The following NXPE4 variants were observed in gnomAD, a reference collection of about 807,000 sequenced individuals.
NXPE4 encodes neurexophilin and PC-esterase domain family member 4, also known as NXPE family member 4.
Under a neutral mutation model 33.3 loss-of-function variants are expected in NXPE4, and 42 were observed. The ratio of observed to expected loss-of-function variants is 1.26; its 90% CI spans 0.98 to 1.63. The LOEUF is 1.63. NXPE4 is among the 40% of genes most tolerant of loss of function. NXPE4 has a pLI of 0.00. For synonymous variants in NXPE4, 253 were observed against 234.9 expected (o/e 1.08, Z -0.71); for missense variants, 709 against 647.6 (o/e 1.09, Z -1.03).
chr11:114,630,675 G>C, the NXPE4 span, among the ~76,000 whole-genome samples: 58 of 150,842 alleles, frequency 3.8e-4, no homozygotes, highest in Middle Eastern at 3.4e-3. Context: ...TGACAAATGG[G>C]ATCTAATTAA....
chr11:114,598,904 C>T (rs1949608470), upstream of NXPE4, among the ~76,000 whole-genome samples: 1 of 152,242 alleles, frequency 6.6e-6, no homozygotes, highest in Admixed American at 6.5e-5. Flanking sequence ...ATGGCTTGCA[C>T]TCTTTTTGCA....
the NXPE4 span, among the ~76,000 whole-genome samples, chr11:114,602,106 A>C: frequency 0.67 from 65,077 of 97,238 alleles, 21,906 homozygotes; most frequent in Middle Eastern, 0.76. Context: ...ATATATTATA[A>C]TATATATAAT....
At chr11:114,636,352 CT>C in the NXPE4 span, among the ~76,000 whole-genome samples, 1,390 of 152,060 alleles carry the variant, frequency 9.1e-3, 22 homozygotes, top group African/African-American at 0.032. Flanking sequence ...ATTCTTCTCT[CT>C]TTTTTTCTTT....
At chr11:114,601,536 A>AGT in the NXPE4 span, among the ~76,000 whole-genome samples, 2 of 108,316 alleles carry the variant, frequency 1.8e-5, no homozygotes, top group South Asian at 4.5e-4. Context: ...AATTATATAT[A>AGT]ATATATATTA....
chr11:114,613,210 T>C, the NXPE4 span, among the ~76,000 whole-genome samples: 1 of 151,922 alleles, frequency 6.6e-6, no homozygotes, highest in African/African-American at 2.4e-5. Flanking sequence ...ACCTGGTGGA[T>C]AATACTTGTT....
chr11:114,666,795 T>C, the NXPE4 span, among the ~76,000 whole-genome samples: 1 of 152,162 alleles, frequency 6.6e-6, no homozygotes, highest in Non-Finnish European at 1.5e-5. Context: ...GTATTGGTCT[T>C]TTCCTTGTAT....
Position 114,582,543 on chromosome 11 carries a change from CAG to C in NXPE4, c.573_574del (p.Trp192GlufsTer8), listed in dbSNP as rs1949174033. ...GTCATAGCCTTGGTTCCTTGCACTCCAGAGAGCTGACACCCCTTCACTGGGGT... is the reference window on the plus strand; with the variant it reads ...GTCATAGCCTTGGTTCCTTGCACTCCAGAGCTGACACCCCTTCACTGGGGT... On this transcript the variant is annotated frameshift_variant, in exon 3 of 6. Coordinates refer to ENST00000375478, the MANE Select transcript of NXPE4 (RefSeq NM_001077639.2). LOFTEE classifies it high-confidence loss of function. 2 of 1,614,168 alleles carry C rather than the reference CAG, an allele frequency of 1.2e-6. No homozygotes were observed.
At chr11:114,675,764 G>A in the NXPE4 span, among the ~76,000 whole-genome samples, 1 of 151,840 alleles carries the variant, frequency 6.6e-6, no homozygotes, top group South Asian at 2.1e-4. Context: ...AAACTTACAT[G>A]GAACCACAAA....
chr11:114,590,624 A>G (rs1024252720), intron 2 of NXPE4, among the ~76,000 whole-genome samples: 1 of 152,192 alleles, frequency 6.6e-6, no homozygotes, highest in Non-Finnish European at 1.5e-5. Flanking sequence ...GAGGGCCTTC[A>G]ATCTTTATGT....
At chr11:114,624,883 G>T in the NXPE4 span, among the ~76,000 whole-genome samples, 149 of 151,778 alleles carry the variant, frequency 9.8e-4, 2 homozygotes, top group Admixed American at 8.4e-3. Flanking sequence ...ACTGTAACCT[G>T]GTGGATAATA....
chr11:114,600,640 A>G (rs939047805), upstream of NXPE4, among the ~76,000 whole-genome samples: 1 of 152,126 alleles, frequency 6.6e-6, no homozygotes, highest in Non-Finnish European at 1.5e-5. Context: ...AGACATGATG[A>G]CTAAATGCAA....
chr11:114,675,690 A>G, the NXPE4 span, among the ~76,000 whole-genome samples: 2 of 151,974 alleles, frequency 1.3e-5, no homozygotes, highest in Non-Finnish European at 1.5e-5. Flanking sequence ...CATTCTACAG[A>G]TTTAACGTCA....
chr11:114,628,896 C>A, the NXPE4 span, among the ~76,000 whole-genome samples: 1 of 151,970 alleles, frequency 6.6e-6, no homozygotes, highest in South Asian at 2.1e-4. Context: ...ACAAACACCT[C>A]TATGCAAATA....
the NXPE4 span, among the ~76,000 whole-genome samples, chr11:114,650,234 A>C: frequency 8.5e-5 from 13 of 152,316 alleles, no homozygotes; most frequent in South Asian, 2.1e-4. Flanking sequence ...AGCACAGGAA[A>C]AAGAGGAGAG....
the NXPE4 span, among the ~76,000 whole-genome samples, chr11:114,634,415 C>T: frequency 6.6e-6 from 1 of 151,934 alleles, no homozygotes; most frequent in Non-Finnish European, 1.5e-5. Context: ...TTGTAGGTTG[C>T]CTGTTCACTC....
chr11:114,669,739 A>T, the NXPE4 span, among the ~76,000 whole-genome samples: 2 of 151,926 alleles, frequency 1.3e-5, no homozygotes, highest in Non-Finnish European at 2.9e-5. Context: ...TATTTTTTCC[A>T]AGGGCACTGA....
chr11:114,662,472 G>C, the NXPE4 span, among the ~76,000 whole-genome samples: 2 of 152,166 alleles, frequency 1.3e-5, no homozygotes, highest in African/African-American at 4.8e-5. Context: ...TAGGCCACAA[G>C]GACTGCAACT....
chr11:114,587,393 A>G (rs1219342781), intron 2 of NXPE4, among the ~76,000 whole-genome samples: 2 of 152,216 alleles, frequency 1.3e-5, no homozygotes, highest in Admixed American at 1.3e-4. Context: ...CATAATAGCA[A>G]ATTGTACAGC....
At chr11:114,612,906 A>T in the NXPE4 span, among the ~76,000 whole-genome samples, 1 of 151,942 alleles carries the variant, frequency 6.6e-6, no homozygotes, top group Admixed American at 6.6e-5. Context: ...AAGCACTGTT[A>T]CCCGGTGGAT....
Sources: gnomAD v4.1 joint callset for allele counts (sites outside exome capture counted in the v4.1 genomes callset) on GRCh38, gnomAD v4.1.1 for gene constraint, MANE v1.5 for transcripts, NCBI Gene and HGNC (gene_info 2026-07-23, HGNC 2026-07-21) for gene names.